The following YAP1 variants were observed in gnomAD, a reference collection of about 807,000 sequenced individuals.
The protein encoded by YAP1 is transcriptional coactivator YAP1.
A neutral mutation model predicts 56.9 loss-of-function variants in YAP1; 5 were observed. The ratio of observed to expected loss-of-function variants is 0.09; its 90% confidence interval spans 0.05 to 0.18. The LOEUF (loss-of-function observed/expected upper bound fraction) is 0.18, where lower values mean the gene tolerates loss of function less well. Among genes scored for constraint, YAP1 ranks in the 10% least tolerant of loss-of-function variants. YAP1 has a pLI of 1.00. For missense variants in YAP1, 539 were observed against 651.8 expected (o/e 0.83, Z 1.88); for synonymous variants, 265 against 248.1 (o/e 1.07, Z -0.64).
chr11:102,155,707 T>A (rs1054496891), intron 2 of YAP1, among the ~76,000 whole-genome samples: 21 of 152,246 alleles, frequency 1.4e-4, no homozygotes, highest in Non-Finnish European at 2.6e-4. Flanking sequence ...TTTCCCTCGC[T>A]GTTAGACTTG....
At position 102,231,530 on chromosome 11, in the gene YAP1, A is replaced by G. The variant is rs1950434335; in HGVS notation, c.*1590A>G. On this transcript the variant is annotated 3_prime_UTR_variant, in exon 9 of 9. Transcript: ENST00000282441. ...ATTTAGCAAAGAAATAGAGATAATCATGATTATACCTTTATTTTTACAGGA... is the reference window on the plus strand; with the variant it reads ...ATTTAGCAAAGAAATAGAGATAATCGTGATTATACCTTTATTTTTACAGGA... 1 of 152,668 alleles carries G rather than the reference A, an allele frequency of 6.6e-6. No homozygotes were observed. The highest frequency in any genetic ancestry group is 2.1e-4 in the South Asian group (1 of 4,834). The allele number at this position is 152,668 out of a possible 1,614,324, so 9.5% of individuals were successfully genotyped here. A position where few individuals can be genotyped will look rare whatever the true frequency, so the allele number is the denominator to read the frequency against.
At chr11:102,184,852 G>T (rs1199541709) in intron 3 of YAP1, among the ~76,000 whole-genome samples, 1 of 152,204 alleles carries the variant, frequency 6.6e-6, no homozygotes. Flanking sequence ...GAATCACGCT[G>T]CCTGGCTTTG....
chr11:102,186,204 C>A, intron 4 of YAP1, 73 bp downstream of exon 4: 1 of 1,499,692 alleles, frequency 6.7e-7, no homozygotes, highest in Non-Finnish European at 9.1e-7. Context: ...CTTCGGAAAG[C>A]ACATTTAAAT....
At chr11:102,205,650 C>G (rs1057286755) in intron 4 of YAP1, among the ~76,000 whole-genome samples, 1 of 151,280 alleles carries the variant, frequency 6.6e-6, no homozygotes, top group Non-Finnish European at 1.5e-5. Context: ...AGAAACTGTT[C>G]CTTATTGCAT....
At chr11:102,180,872 C>T (rs1947568461) in intron 3 of YAP1, among the ~76,000 whole-genome samples, 2 of 152,014 alleles carry the variant, frequency 1.3e-5, no homozygotes, top group South Asian at 2.1e-4. Flanking sequence ...CTCGGTCGGG[C>T]ATGGTAGCTC....
chr11:102,194,718 T>C (rs1486657447), intron 4 of YAP1, among the ~76,000 whole-genome samples: 1 of 152,160 alleles, frequency 6.6e-6, no homozygotes, highest in Non-Finnish European at 1.5e-5. Flanking sequence ...AAGCCACCAG[T>C]CAAATTTCAG....
intron 2 of YAP1, among the ~76,000 whole-genome samples, chr11:102,117,559 C>T (rs1250162350): frequency 1.3e-5 from 2 of 152,116 alleles, no homozygotes; most frequent in African/African-American, 4.8e-5. Flanking sequence ...AGTTAGTTGG[C>T]CTATCATCTA....
chr11:102,223,787 A>C (rs1353326059), intron 7 of YAP1, 35 bp downstream of exon 7: 2 of 1,612,316 alleles, frequency 1.2e-6, no homozygotes, highest in Non-Finnish European at 1.7e-6. Flanking sequence ...ATATCTGAAA[A>C]GGATCATTGC....
At chr11:102,157,955 T>G (rs1591265094) in intron 2 of YAP1, among the ~76,000 whole-genome samples, 2 of 152,200 alleles carry the variant, frequency 1.3e-5, no homozygotes, top group African/African-American at 4.8e-5. Context: ...TTATGGTATT[T>G]GGAGTGTCCA....
intron 4 of YAP1, among the ~76,000 whole-genome samples, chr11:102,188,668 G>A (rs1948116445): frequency 6.6e-6 from 1 of 152,186 alleles, no homozygotes; most frequent in African/African-American, 2.4e-5. Flanking sequence ...TCTGTAGCTT[G>A]GGGCGATAGG....
chr11:102,220,792 A>G (rs1949889941), intron 6 of YAP1, among the ~76,000 whole-genome samples: 9 of 152,224 alleles, frequency 5.9e-5, no homozygotes, highest in Admixed American at 4.6e-4. Flanking sequence ...GTTCTTGGGT[A>G]TGACTGAGGG....
intron 1 of YAP1, chr11:102,112,820 T>G (rs1220130347): frequency 6.3e-6 from 6 of 954,254 alleles, no homozygotes; most frequent in African/African-American, 1.8e-5. Context: ...GCATGCACCC[T>G]ACAGACTGCA....
At chr11:102,203,764 C>T (rs1020124376) in intron 4 of YAP1, among the ~76,000 whole-genome samples, 11 of 152,024 alleles carry the variant, frequency 7.2e-5, no homozygotes, top group African/African-American at 2.7e-4. Flanking sequence ...AGAAATTACA[C>T]GTTTTTTGGA....
chr11:102,116,858 A>G (rs1292232543), intron 2 of YAP1, among the ~76,000 whole-genome samples: 2 of 152,138 alleles, frequency 1.3e-5, no homozygotes, highest in Non-Finnish European at 2.9e-5. Flanking sequence ...CTTGCTCAAT[A>G]AATGTAGGTA....
In YAP1 at chr11:102,232,837, A is replaced by C. The variant is rs1489223443; in HGVS notation, c.*2897A>C. Reference sequence around the variant, plus strand: ...TTGATTTGGAGTTTCAGATCTTCCAAAGCACTATTTGTTGTAATAACTTTT... The same window carrying C: ...TTGATTTGGAGTTTCAGATCTTCCACAGCACTATTTGTTGTAATAACTTTT... On this transcript the variant is annotated 3_prime_UTR_variant, in exon 9 of 9. Transcript: ENST00000282441. 6.6e-6 allele frequency: 1 copy of C among 152,656 alleles called. No individual in the cohort carries two copies. Among genetic ancestry groups the C allele is most frequent in the Non-Finnish European group, 1.5e-5 (1 of 68,032 alleles). The allele number at this position is 152,656 out of a possible 1,614,324, so 9.5% of individuals were successfully genotyped here. A position where few individuals can be genotyped will look rare whatever the true frequency, so the allele number is the denominator to read the frequency against.
intron 3 of YAP1, among the ~76,000 whole-genome samples, chr11:102,185,425 C>T (rs2135506261): frequency 6.6e-6 from 1 of 152,196 alleles, no homozygotes; most frequent in South Asian, 2.1e-4. Context: ...ATTGCAACCC[C>T]AACCCATTAG....
chr11:102,177,593 C>T (rs1049595132), intron 3 of YAP1, among the ~76,000 whole-genome samples: 5 of 150,180 alleles, frequency 3.3e-5, no homozygotes, highest in Non-Finnish European at 5.9e-5. Flanking sequence ...AGGAGAATCG[C>T]TTGAACCCAG....
intron 5 of YAP1, among the ~76,000 whole-genome samples, chr11:102,207,590 G>GT (rs905680164): frequency 6.6e-5 from 10 of 151,202 alleles, no homozygotes; most frequent in African/African-American, 2.4e-4. Context: ...TCTGTTTTTT[G>GT]TTTTTTGGGT....
chr11:102,186,177 T>G (rs765810494), intron 4 of YAP1, 46 bp downstream of exon 4: 4 of 1,573,364 alleles, frequency 2.5e-6, no homozygotes. Context: ...TGGTTGCTAA[T>G]TTTTTTTGTA....
Sources: gnomAD v4.1 joint callset for allele counts (sites outside exome capture counted in the v4.1 genomes callset) on GRCh38, gnomAD v4.1.1 for gene constraint, MANE v1.5 for transcripts, NCBI Gene and HGNC (gene_info 2026-07-23, HGNC 2026-07-21) for gene names.